COL15A1: variants seen among roughly 807,000 people sequenced by gnomAD.
The protein encoded by COL15A1 is collagen alpha-1(XV) chain.
In COL15A1, 111 loss-of-function variants were observed where a neutral mutation model predicts 165.9. The ratio of observed to expected loss-of-function variants is 0.67; its 90% confidence interval spans 0.57 to 0.78. COL15A1 has a LOEUF of 0.78. COL15A1 is among the 30% of genes least tolerant of loss of function. The pLI is 0.00. For missense variants in COL15A1, 1,745 were observed against 1,789.7 expected (o/e 0.98, Z 0.45); for synonymous variants, 659 against 674.8 (o/e 0.98, Z 0.36).
At chr9:99,031,642 G>T (rs1295193192) in intron 16 of COL15A1, among the ~76,000 whole-genome samples, 1 of 152,160 alleles carries the variant, frequency 6.6e-6, no homozygotes, top group Non-Finnish European at 1.5e-5. Flanking sequence ...TTTCAGAGCT[G>T]GAAGGAACCT....
intron 2 of COL15A1, among the ~76,000 whole-genome samples, chr9:98,972,227 C>T (rs542215018): frequency 9.4e-4 from 143 of 152,258 alleles, no homozygotes; most frequent in African/African-American, 3.3e-3. Flanking sequence ...AAGCATAGGT[C>T]TGTCTGATGC....
chr9:99,066,739 T>C (rs908675701), intron 39 of COL15A1, 143 bp from the exon 40 acceptor site: 20 of 665,602 alleles, frequency 3.0e-5, no homozygotes, highest in Non-Finnish European at 4.7e-5. Context: ...GTAATTCCAA[T>C]GTCAGGGAGG....
In COL15A1 at chr9:98,944,142, C is replaced by G. The variant is rs1366435302; in HGVS notation, c.12-20C>G. On this transcript the variant is annotated intron_variant, in intron 1 of 41. Coordinates refer to ENST00000375001, the MANE Select transcript of COL15A1 (RefSeq NM_001855.5). The stretch of plus-strand genomic sequence containing the variant: ...TACTCTTGCCCGCCTCACCTTTTCT[C>G]CCTCGGGCACATCTTGCAGGAGGAA... 1 of 1,614,146 alleles carries G rather than the reference C, an allele frequency of 6.2e-7. No individual in the cohort carries two copies. The highest frequency in any genetic ancestry group is 1.7e-5 in the Admixed American group (1 of 60,034).
At chr9:99,042,410 G>T (rs757253441) in intron 24 of COL15A1, among the ~76,000 whole-genome samples, 1 of 152,168 alleles carries the variant, frequency 6.6e-6, no homozygotes, top group South Asian at 2.1e-4. Context: ...AGACGAGAAG[G>T]TACGAAGTGG....
intron 2 of COL15A1, among the ~76,000 whole-genome samples, chr9:98,981,372 G>A (rs1838233312): frequency 6.6e-6 from 1 of 152,070 alleles, no homozygotes; most frequent in African/African-American, 2.4e-5. Flanking sequence ...CAAGAGAATC[G>A]CTTGAACCCA....
chr9:99,056,441 C>A, intron 35 of COL15A1, 37 bp downstream of exon 35: 1 of 1,557,374 alleles, frequency 6.4e-7, no homozygotes, highest in South Asian at 1.2e-5. Flanking sequence ...TCATGCTGTC[C>A]CTACCATTGT....
intron 2 of COL15A1, among the ~76,000 whole-genome samples, chr9:98,950,550 CCCTTCCTT>C (rs60753911): frequency 1.8e-4 from 12 of 66,956 alleles, no homozygotes; most frequent in South Asian, 1.5e-3. Context: ...CCTTCCCTTC[CCCTTCCTT>C]CCTTCCTTCC....
chr9:99,017,415 T>C (rs1682271406), intron 11 of COL15A1, among the ~76,000 whole-genome samples: 2 of 152,184 alleles, frequency 1.3e-5, no homozygotes. Context: ...GATCCTGGAC[T>C]GGGGGCCAGG....
At chr9:98,966,802 T>A (rs1837965593) in intron 2 of COL15A1, among the ~76,000 whole-genome samples, 1 of 152,210 alleles carries the variant, frequency 6.6e-6, no homozygotes, top group Non-Finnish European at 1.5e-5. Flanking sequence ...TTATATTATA[T>A]CTCAACAGTG....
intron 38 of COL15A1, among the ~76,000 whole-genome samples, chr9:99,062,718 TC>T (rs1825835858): frequency 6.6e-6 from 1 of 152,160 alleles, no homozygotes; most frequent in African/African-American, 2.4e-5. Context: ...GGTACTATCA[TC>T]CCCGTTTTGC....
chr9:99,027,447 A>T (rs1241719973), intron 16 of COL15A1, among the ~76,000 whole-genome samples: 1 of 152,040 alleles, frequency 6.6e-6, no homozygotes, highest in African/African-American at 2.4e-5. Context: ...GCTTTATAGA[A>T]CTCATTTTAC....
intron 5 of COL15A1, among the ~76,000 whole-genome samples, chr9:98,993,815 C>T (rs912289469): frequency 1.3e-5 from 2 of 152,146 alleles, no homozygotes; most frequent in Admixed American, 6.5e-5. Flanking sequence ...AGACAGTCCC[C>T]GCCCGCCCCT....
chr9:98,944,104 CG>C (rs752580822), intron 1 of COL15A1, 32 bp downstream of exon 1: 1 of 1,614,114 alleles, frequency 6.2e-7, no homozygotes, highest in East Asian at 2.2e-5. Context: ...CCTCGCGTCC[CG>C]GGCCCCTCCA....
intron 2 of COL15A1, among the ~76,000 whole-genome samples, chr9:98,957,354 T>G (rs1837793542): frequency 6.6e-6 from 1 of 152,278 alleles, no homozygotes; most frequent in South Asian, 2.1e-4. Flanking sequence ...AACCATGGTC[T>G]GCTGATACCT....
chr9:98,947,894 C>T (rs1242982002), intron 2 of COL15A1, among the ~76,000 whole-genome samples: 1 of 152,160 alleles, frequency 6.6e-6, no homozygotes. Context: ...AGCACAAGTT[C>T]AGGTATTGGA....
At chr9:98,988,462 A>G (rs1018610603) in intron 4 of COL15A1, among the ~76,000 whole-genome samples, 1 of 152,238 alleles carries the variant, frequency 6.6e-6, no homozygotes, top group African/African-American at 2.4e-5. Flanking sequence ...AGGTAATGCC[A>G]GGAAGTCATG....
chr9:98,991,119 C>A (rs537522770), intron 5 of COL15A1, among the ~76,000 whole-genome samples: 2 of 152,260 alleles, frequency 1.3e-5, no homozygotes, highest in Admixed American at 1.3e-4. Flanking sequence ...TGTTACAGCT[C>A]ATAAAGTCAG....
chr9:99,044,830 T>C (rs16918154), intron 26 of COL15A1, 60 bp downstream of exon 26: 203,857 of 1,482,122 alleles, frequency 0.14, 14,760 homozygotes, highest in South Asian at 0.2. Context: ...TTTCATACTT[T>C]GATTTGGTTA....
chr9:99,018,516 T>C (rs1165787762), intron 11 of COL15A1, among the ~76,000 whole-genome samples: 1 of 152,216 alleles, frequency 6.6e-6, no homozygotes. Context: ...CTAGTGGAGA[T>C]AGTCTGATAG....
Sources: allele counts gnomAD v4.1 joint callset (sites outside exome capture counted in the v4.1 genomes callset), GRCh38; gene constraint gnomAD v4.1.1; transcripts MANE v1.5; gene names NCBI Gene and HGNC (gene_info 2026-07-23, HGNC 2026-07-21).